GRM3: variants seen among roughly 807,000 people sequenced by gnomAD.
The protein encoded by GRM3 is glutamate metabotropic receptor 3, also known as metabotropic glutamate receptor 3.
In GRM3, 26 loss-of-function variants were observed where a neutral mutation model predicts 70.5. The observed-to-expected ratio is 0.37, with a 90% CI of 0.27 to 0.51. The LOEUF is 0.51. Among genes scored for constraint, GRM3 ranks in the 20% least tolerant of loss-of-function variants. GRM3 has a pLI of 0.93. For missense variants in GRM3, 859 were observed against 1,123.8 expected, an observed-to-expected ratio of 0.76 and a Z score of 3.37; for synonymous variants, 443 against 434.9, an observed-to-expected ratio of 1.02 and a Z score of -0.23.
intron 3 of GRM3, among the ~76,000 whole-genome samples, chr7:86,824,673 C>T (rs1249631463): frequency 2.0e-5 from 3 of 152,162 alleles, no homozygotes; most frequent in Non-Finnish European, 4.4e-5. Context: ...ACATGTACTA[C>T]TAACTTTCTC....
chr7:86,808,069 C>A (rs1797832880), intron 3 of GRM3, among the ~76,000 whole-genome samples: 1 of 152,108 alleles, frequency 6.6e-6, no homozygotes, highest in African/African-American at 2.4e-5. Flanking sequence ...GTATGTTGAA[C>A]CAGCCTTGCA....
intron 1 of GRM3, among the ~76,000 whole-genome samples, chr7:86,763,193 C>G (rs1027822481): frequency 3.3e-5 from 5 of 151,990 alleles, no homozygotes; most frequent in African/African-American, 9.7e-5. Flanking sequence ...CTTGGACCAG[C>G]TAGGAGGGCC....
chr7:86,682,479 G>T (rs948123893), intron 1 of GRM3, among the ~76,000 whole-genome samples: 2 of 152,110 alleles, frequency 1.3e-5, no homozygotes, highest in African/African-American at 4.8e-5. Flanking sequence ...ATACTTAAGA[G>T]AAATTCTGCT....
intron 5 of GRM3, among the ~76,000 whole-genome samples, chr7:86,853,725 A>G (rs990783265): frequency 6.6e-6 from 1 of 152,178 alleles, no homozygotes; most frequent in Non-Finnish European, 1.5e-5. Context: ...CCTCCACTTT[A>G]TCTATTCCTG....
At chr7:86,712,272 C>A (rs980484697) in intron 1 of GRM3, among the ~76,000 whole-genome samples, 3 of 151,982 alleles carry the variant, frequency 2.0e-5, no homozygotes, top group African/African-American at 7.2e-5. Flanking sequence ...ATTTTCAGTA[C>A]TTTCTGTTTG....
intron 1 of GRM3, among the ~76,000 whole-genome samples, chr7:86,667,237 G>T (rs1327165459): frequency 6.6e-6 from 1 of 152,074 alleles, no homozygotes; most frequent in Non-Finnish European, 1.5e-5. Flanking sequence ...GACTGGCCCA[G>T]ATTGTTGCAG....
chr7:86,838,404 T>C (rs1184934206), intron 3 of GRM3, among the ~76,000 whole-genome samples: 2 of 152,220 alleles, frequency 1.3e-5, no homozygotes, highest in Non-Finnish European at 2.9e-5. Context: ...TCCTGTTTTA[T>C]ATTTTCATGA....
At chr7:86,720,523 C>T (rs571115370) in intron 1 of GRM3, among the ~76,000 whole-genome samples, 1 of 152,134 alleles carries the variant, frequency 6.6e-6, no homozygotes, top group Admixed American at 6.6e-5. Context: ...ATATAGAATA[C>T]CAGGAAACTG....
At chr7:86,850,344 A>G (rs555872498) in intron 4 of GRM3, 26 bp from the exon 5 acceptor site, 1 of 1,584,124 alleles carries the variant, frequency 6.3e-7, no homozygotes, top group African/African-American at 1.3e-5. Context: ...ACAGCCAGAC[A>G]CTTACTAGCC....
intron 5 of GRM3, among the ~76,000 whole-genome samples, chr7:86,861,767 A>G (rs931766306): frequency 2.6e-5 from 4 of 152,244 alleles, no homozygotes; most frequent in African/African-American, 9.6e-5. Context: ...TTTATAAGCC[A>G]GAATAAAGAG....
intron 1 of GRM3, among the ~76,000 whole-genome samples, chr7:86,723,268 A>G (rs965832659): frequency 3.9e-5 from 6 of 152,254 alleles, no homozygotes; most frequent in African/African-American, 1.4e-4. Flanking sequence ...AGATATAATG[A>G]TGATTAAAAG....
intron 5 of GRM3, among the ~76,000 whole-genome samples, chr7:86,862,507 T>C (rs1403919812): frequency 1.3e-5 from 2 of 152,158 alleles, no homozygotes; most frequent in Non-Finnish European, 2.9e-5. Flanking sequence ...AGGAAATGCA[T>C]ATGACACCGT....
chr7:86,842,321 T>C (rs1273800382), intron 4 of GRM3, among the ~76,000 whole-genome samples: 1 of 152,210 alleles, frequency 6.6e-6, no homozygotes, highest in Non-Finnish European at 1.5e-5. Flanking sequence ...TTTACATAAA[T>C]ATCCAGATTC....
chr7:86,778,954 TG>T (rs1408900592), intron 2 of GRM3, among the ~76,000 whole-genome samples: 2 of 152,124 alleles, frequency 1.3e-5, no homozygotes, highest in African/African-American at 4.8e-5. Flanking sequence ...TCAGTATGAC[TG>T]GTATTCTTAC....
chr7:86,727,611 G>T (rs1156517117), intron 1 of GRM3, among the ~76,000 whole-genome samples: 1 of 152,202 alleles, frequency 6.6e-6, no homozygotes, highest in African/African-American at 2.4e-5. Flanking sequence ...ATGCTTGACA[G>T]ATTATAGCAC....
At chr7:86,861,837 C>T (rs995071031) in intron 5 of GRM3, among the ~76,000 whole-genome samples, 2 of 152,172 alleles carry the variant, frequency 1.3e-5, no homozygotes, top group African/African-American at 2.4e-5. Context: ...TTTTAAAATA[C>T]TCTCACTGCT....
rs1012817006 is a variant in GRM3 at position 86,838,897 on chromosome 7, T to C, written c.1383T>C (p.Asp461=). The change falls in exon 4 of 6, where the codon GAT becomes GAC. Residue 461 remains aspartate, a synonymous_variant. Transcript: ENST00000361669. ...TAGTCAAGTTTGACACTTTTGGAGA[T>C]GGAATGGGGCGATACAACGTGTTCA... ...DSIVKFDTFG[D]GMGRYNVFNF... is the part of the protein sequence containing the mutation. 1.2e-6 allele frequency: 2 copies of C among 1,613,630 alleles called. No individual in the cohort carries two copies. Among genetic ancestry groups the C allele is most frequent in the African/African-American group, 1.3e-5 (1 of 75,040 alleles).
chr7:86,644,910 C>T (rs757277131), intron 1 of GRM3, 38 bp downstream of exon 1: 11 of 1,196,358 alleles, frequency 9.2e-6, no homozygotes, highest in African/African-American at 1.6e-5. Flanking sequence ...CTCTGGAGGG[C>T]GCCCAGCCAG....
chr7:86,718,896 A>C (rs1795386996), intron 1 of GRM3, among the ~76,000 whole-genome samples: 1 of 151,952 alleles, frequency 6.6e-6, no homozygotes, highest in African/African-American at 2.4e-5. Context: ...TTTATAAATG[A>C]GATTAAAACT....
Sources: gnomAD v4.1 joint callset for allele counts (sites outside exome capture counted in the v4.1 genomes callset) on GRCh38, gnomAD v4.1.1 for gene constraint, MANE v1.5 for transcripts, NCBI Gene and HGNC (gene_info 2026-07-23, HGNC 2026-07-21) for gene names.